Variants in PTPRD observed in about 807,000 individuals in gnomAD.
PTPRD encodes the protein receptor-type tyrosine-protein phosphatase delta.
A neutral mutation model predicts 214.5 loss-of-function variants in PTPRD; 34 were observed. That is an observed-to-expected ratio of 0.16 (90% CI 0.12 to 0.21). The LOEUF is 0.21. PTPRD is among the 10% of genes least tolerant of loss of function. The pLI, the probability that PTPRD is intolerant of heterozygous loss-of-function variation, is 1.00. For synonymous variants in PTPRD, 1,128 were observed against 845.7 expected (o/e 1.33, Z -5.79); for missense variants, 2,545 against 2,398.7 (o/e 1.06, Z -1.27).
At chr9:9,970,417 G>C (rs1247754962) in intron 4 of PTPRD, among the ~76,000 whole-genome samples, 2,241 of 136,564 alleles carry the variant, frequency 0.016, 31 homozygotes, top group Non-Finnish European at 0.027. Flanking sequence ...GGGCGACAGC[G>C]AGACTCCTTC....
chr9:8,659,987 G>T (rs1326149890), intron 12 of PTPRD, among the ~76,000 whole-genome samples: 2 of 152,158 alleles, frequency 1.3e-5, no homozygotes, highest in Non-Finnish European at 2.9e-5. Context: ...ATAAGAAAAA[G>T]AATTGTTCAA....
chr9:10,149,561 C>G (rs370480177), intron 3 of PTPRD, among the ~76,000 whole-genome samples: 8 of 152,138 alleles, frequency 5.3e-5, no homozygotes, highest in East Asian at 3.9e-4. Flanking sequence ...CTTACTCGTA[C>G]TCCTGCCTAG....
intron 39 of PTPRD, among the ~76,000 whole-genome samples, chr9:8,362,874 A>C (rs190154858): frequency 6.6e-6 from 1 of 152,226 alleles, no homozygotes; most frequent in East Asian, 1.9e-4. Flanking sequence ...TACAATTATC[A>C]TTTTTTTGAT....
chr9:9,851,478 A>G (rs779881876), intron 5 of PTPRD, among the ~76,000 whole-genome samples: 1 of 152,260 alleles, frequency 6.6e-6, no homozygotes, highest in Non-Finnish European at 1.5e-5. Context: ...AGTTACAACA[A>G]GTACTGCAGG....
At chr9:8,999,637 TA>T (rs1589551573) in intron 11 of PTPRD, among the ~76,000 whole-genome samples, 1 of 151,978 alleles carries the variant, frequency 6.6e-6, no homozygotes, top group Non-Finnish European at 1.5e-5. Context: ...GGTATGCTTT[TA>T]AAAATAAATA....
chr9:9,954,019 G>T (rs1225415579), intron 4 of PTPRD, among the ~76,000 whole-genome samples: 1 of 152,024 alleles, frequency 6.6e-6, no homozygotes, highest in East Asian at 1.9e-4. Context: ...AGAGCAGGCT[G>T]GTTGCGGTGG....
chr9:8,655,664 C>T (rs1255280166), intron 12 of PTPRD, among the ~76,000 whole-genome samples: 2 of 151,830 alleles, frequency 1.3e-5, no homozygotes, highest in Non-Finnish European at 2.9e-5. Context: ...GGAAATGCCA[C>T]ATATATGAAC....
chr9:10,553,792 A>G (rs2061871022), intron 2 of PTPRD, among the ~76,000 whole-genome samples: 1 of 152,204 alleles, frequency 6.6e-6, no homozygotes, highest in African/African-American at 2.4e-5. Flanking sequence ...GTGTTTTAAA[A>G]TCTTCCAGTT....
At position 8,317,929 on chromosome 9, in the gene PTPRD, A is replaced by T. The variant is rs1338030158; in HGVS notation, c.5684T>A (p.Phe1895Tyr). ...GTACTCTAGTGCGGCACGATAGGAA[A>T]ACTGATATTGATCCTGCAGGAGACA... Reference protein sequence around the residue: ...AMVQTEDQYQFSYRAALEYLG... With the variant: ...AMVQTEDQYQYSYRAALEYLG... Residue 1895 changes from phenylalanine (F) to tyrosine (Y), a missense_variant, in exon 46 of 46, where the codon TTT becomes TAT. By Grantham distance (22) the Phe-to-Tyr change is conservative (BLOSUM62 3). Transcript: ENST00000381196. The T allele has an allele frequency of 1.1e-5, 17 of 1,611,882 alleles. No individual in the cohort carries two copies. The highest frequency in any genetic ancestry group is 1.3e-5 in the Non-Finnish European group (15 of 1,178,584).
chr9:8,503,177 C>G (rs1369704765), intron 23 of PTPRD, among the ~76,000 whole-genome samples: 1 of 151,862 alleles, frequency 6.6e-6, no homozygotes, highest in South Asian at 2.1e-4. Flanking sequence ...TCAAAAAACC[C>G]TGAAAGTTTT....
intron 10 of PTPRD, among the ~76,000 whole-genome samples, chr9:9,147,728 G>C (rs2099871058): frequency 2.0e-5 from 3 of 151,818 alleles, no homozygotes; most frequent in Admixed American, 2.0e-4. Context: ...TTACTATTTG[G>C]CCCTTTATAG....
intron 11 of PTPRD, among the ~76,000 whole-genome samples, chr9:8,924,998 T>C (rs2098861645): frequency 6.6e-6 from 1 of 152,166 alleles, no homozygotes; most frequent in Admixed American, 6.5e-5. Flanking sequence ...CCATATGTTA[T>C]ATTCCGTAAA....
chr9:9,932,697 C>A (rs1379916270), intron 5 of PTPRD, among the ~76,000 whole-genome samples: 7 of 106,642 alleles, frequency 6.6e-5, no homozygotes, highest in African/African-American at 2.8e-4. Flanking sequence ...GCAAGGCAGG[C>A]CAACGTTCAG....
chr9:8,909,544 C>T (rs2098732408), intron 11 of PTPRD, among the ~76,000 whole-genome samples: 1 of 152,130 alleles, frequency 6.6e-6, no homozygotes, highest in South Asian at 2.1e-4. Context: ...ACAAATCAAA[C>T]ACCCATTCCA....
intron 12 of PTPRD, among the ~76,000 whole-genome samples, chr9:8,681,330 T>A (rs938331783): frequency 6.6e-6 from 1 of 151,978 alleles, no homozygotes; most frequent in African/African-American, 2.4e-5. Context: ...AATAAGAAAC[T>A]GAGAGAACTA....
intron 14 of PTPRD, among the ~76,000 whole-genome samples, chr9:8,632,344 TA>T (rs1011337767): frequency 6.6e-6 from 1 of 151,398 alleles, no homozygotes; most frequent in South Asian, 2.1e-4. Context: ...TCCATGGGGG[TA>T]AAAAAAATGA....
chr9:8,776,531 C>T (rs1599440991), intron 11 of PTPRD, among the ~76,000 whole-genome samples: 1 of 23,018 alleles, frequency 4.3e-5, no homozygotes, highest in South Asian at 2.2e-3. Context: ...CTCCTGGGCT[C>T]AAGCGATCTG....
chr9:9,711,570 T>A lies in PTPRD; in HGVS notation c.-287+22963A>T, dbSNP rs181933744. Reference sequence around the variant, plus strand: ...TCAGAGATGGGACATATACTGAGAGTATACTATTTCTATTGGAGCTATGTC... The same window carrying A: ...TCAGAGATGGGACATATACTGAGAGAATACTATTTCTATTGGAGCTATGTC... On this transcript the variant is annotated intron_variant, in intron 7 of 45. Transcript: ENST00000381196. Among the ~76,000 whole-genome samples, 324 of 152,242 alleles carry A rather than the reference T, an allele frequency of 2.1e-3. 1 individual carries two copies. Among genetic ancestry groups the A allele is most frequent in the African/African-American group, 6.9e-3 (287 of 41,528 alleles).
At chr9:8,985,605 T>C (rs911526442) in intron 11 of PTPRD, among the ~76,000 whole-genome samples, 10 of 151,932 alleles carry the variant, frequency 6.6e-5, no homozygotes, top group South Asian at 4.2e-4. Context: ...CAGTGGTTCC[T>C]TCCTTGGACA....
Sources: gnomAD v4.1 joint callset for allele counts (sites outside exome capture counted in the v4.1 genomes callset) on GRCh38, gnomAD v4.1.1 for gene constraint, MANE v1.5 for transcripts, NCBI Gene and HGNC (gene_info 2026-07-23, HGNC 2026-07-21) for gene names.